CA10: variants seen among roughly 807,000 people sequenced by gnomAD.
The protein encoded by CA10 is carbonic anhydrase-related protein 10.
CA10 carries 14 observed loss-of-function variants against 44.2 expected under a neutral mutation model. That is an observed-to-expected ratio of 0.32 (90% CI 0.21 to 0.50). The LOEUF (loss-of-function observed/expected upper bound fraction) is 0.50, where lower values mean the gene tolerates loss of function less well. Ranked by LOEUF, CA10 falls within the 20% of genes least tolerant of loss-of-function variation. The probability of loss-of-function intolerance (pLI) is 0.99; values close to 1 mark genes in which losing one functional copy is unlikely to be tolerated. For synonymous variants in CA10, 159 were observed against 141.6 expected, an observed-to-expected ratio of 1.12 and a Z score of -0.87; for missense variants, 350 against 409.7, an observed-to-expected ratio of 0.85 and a Z score of 1.26.
chr17:51,828,864 A>G (rs1248960142), intron 3 of CA10, among the ~76,000 whole-genome samples: 1 of 152,228 alleles, frequency 6.6e-6, no homozygotes, highest in Admixed American at 6.5e-5. Flanking sequence ...ATAATATGTG[A>G]ATAATAAAAA....
intron 2 of CA10, among the ~76,000 whole-genome samples, chr17:52,051,750 C>T (rs957809319): frequency 2.0e-5 from 3 of 152,038 alleles, no homozygotes; most frequent in Non-Finnish European, 2.9e-5. Context: ...GAGAGAAATA[C>T]CATTCAACTC....
At chr17:52,091,817 C>T (rs935125613) in intron 1 of CA10, among the ~76,000 whole-genome samples, 10 of 152,276 alleles carry the variant, frequency 6.6e-5, no homozygotes, top group Non-Finnish European at 1.0e-4. Flanking sequence ...CTCCATGATA[C>T]AGGGTTTCCT....
At chr17:51,715,937 ACCTCGGCCT>A (rs1356199189) in intron 4 of CA10, among the ~76,000 whole-genome samples, 2 of 152,004 alleles carry the variant, frequency 1.3e-5, no homozygotes, top group African/African-American at 4.8e-5. Flanking sequence ...TGATCCGCCC[ACCTCGGCCT>A]CCCAAAGTAT....
intron 4 of CA10, among the ~76,000 whole-genome samples, chr17:51,724,199 A>G (rs7223543): frequency 0.39 from 59,297 of 152,098 alleles, 12,103 homozygotes; most frequent in Middle Eastern, 0.5. Context: ...GCAGAGTGGC[A>G]GACACACCCA....
At chr17:51,836,800 G>A (rs1908493639) in intron 3 of CA10, among the ~76,000 whole-genome samples, 1 of 152,168 alleles carries the variant, frequency 6.6e-6, no homozygotes. Context: ...AATTGATGGG[G>A]AGGGGTTTGA....
chr17:51,721,354 ATTTATT>A (rs1046923269), intron 4 of CA10, among the ~76,000 whole-genome samples: 1 of 152,042 alleles, frequency 6.6e-6, no homozygotes, highest in South Asian at 2.1e-4. Context: ...ACTTTATTTT[ATTTATT>A]TTTGAGACAG....
chr17:51,729,504 G>C (rs1295276781), intron 4 of CA10, among the ~76,000 whole-genome samples: 3 of 152,110 alleles, frequency 2.0e-5, no homozygotes, highest in African/African-American at 7.2e-5. Context: ...AGCTAACTGG[G>C]CATGCTTGAA....
At chr17:52,098,906 C>T (rs940954056) in intron 1 of CA10, among the ~76,000 whole-genome samples, 3 of 152,144 alleles carry the variant, frequency 2.0e-5, no homozygotes, top group Non-Finnish European at 4.4e-5. Context: ...AGCATTCGTA[C>T]CTGGTGGTCA....
At chr17:51,709,104 A>AGGGCAGAAACTCATTCATTC (rs367865945) in intron 4 of CA10, among the ~76,000 whole-genome samples, 2,109 of 152,320 alleles carry the variant, frequency 0.014, 53 homozygotes, top group African/African-American at 0.048. Flanking sequence ...ACAGATTCTG[A>AGGGCAGAAACTCATTCATTC]GGGCAGAAAC....
At chr17:51,832,778 C>G (rs1354390439) in intron 3 of CA10, among the ~76,000 whole-genome samples, 1 of 152,136 alleles carries the variant, frequency 6.6e-6, no homozygotes, top group East Asian at 1.9e-4. Context: ...AGATAAGGAT[C>G]ACATTACTGG....
intron 1 of CA10, among the ~76,000 whole-genome samples, chr17:52,105,138 G>A (rs1394678558): frequency 1.6e-5 from 2 of 123,382 alleles, no homozygotes; most frequent in Non-Finnish European, 3.6e-5. Context: ...CCGGGCTCAG[G>A]GAATCTGTAT....
At position 51,777,223 on chromosome 17, in the gene CA10, T is replaced by C. The variant is rs543952226; in HGVS notation, c.280-29405A>G. ...TTGGAAATAAGGCCATTGGTTTGATTCTGGACATTTGAGTTTAGAGTTCCT... is the reference window on the plus strand; with the variant it reads ...TTGGAAATAAGGCCATTGGTTTGATCCTGGACATTTGAGTTTAGAGTTCCT... On this transcript the variant is annotated intron_variant, in intron 3 of 8. Coordinates refer to ENST00000451037, the MANE Select transcript of CA10 (RefSeq NM_020178.5). Among the ~76,000 whole-genome samples the C allele has an allele frequency of 2.0e-5, 3 of 152,328 alleles. No individual in the cohort carries two copies. The South Asian group carries it at 6.2e-4, about 32-fold the overall frequency.
intron 3 of CA10, among the ~76,000 whole-genome samples, chr17:51,870,909 C>T (rs1979773195): frequency 1.3e-5 from 2 of 152,272 alleles, no homozygotes; most frequent in African/African-American, 4.8e-5. Context: ...AGATTCTTCG[C>T]TTTCCTCTAA....
chr17:52,089,030 C>T (rs11654715), intron 1 of CA10, among the ~76,000 whole-genome samples: 123 of 152,194 alleles, frequency 8.1e-4, no homozygotes, highest in Non-Finnish European at 1.1e-3. Context: ...TAATGCTCCA[C>T]AGTGCTACAA....
chr17:51,776,952 C>T lies in CA10; in HGVS notation c.280-29134G>A, dbSNP rs376781779. 7.6e-4 allele frequency among the ~76,000 whole-genome samples: 116 copies of T among 152,196 alleles called. 1 individual carries two copies. In the South Asian group the frequency reaches 0.023, roughly 30 times the overall value. Reference sequence around the variant, plus strand: ...GATTGGGCAGAGCAGACTCTCACAGCCAGAGGAAGCCAGAGGCAGTTGGTA... The same window carrying T: ...GATTGGGCAGAGCAGACTCTCACAGTCAGAGGAAGCCAGAGGCAGTTGGTA... On this transcript the variant is annotated intron_variant, in intron 3 of 8. Coordinates refer to ENST00000451037, the MANE Select transcript of CA10 (RefSeq NM_020178.5).
At chr17:51,653,543 C>A (rs748994164) in intron 5 of CA10, 98 bp downstream of exon 5, 6 of 749,654 alleles carry the variant, frequency 8.0e-6, no homozygotes, top group Non-Finnish European at 1.2e-5. Context: ...GCATGGATAG[C>A]ACCCCTTTTA....
chr17:51,962,309 C>G (rs568566831), intron 2 of CA10, among the ~76,000 whole-genome samples: 1 of 152,342 alleles, frequency 6.6e-6, no homozygotes, highest in Admixed American at 6.5e-5. Flanking sequence ...CCCAGTCACA[C>G]CTTTGGGGGC....
chr17:51,699,235 A>T (rs1915505835), intron 4 of CA10, among the ~76,000 whole-genome samples: 1 of 151,862 alleles, frequency 6.6e-6, no homozygotes, highest in Non-Finnish European at 1.5e-5. Context: ...AGGCAGGAGA[A>T]TCGCTTGAAC....
intron 2 of CA10, among the ~76,000 whole-genome samples, chr17:51,992,806 G>T (rs1985089519): frequency 6.6e-6 from 1 of 152,064 alleles, no homozygotes. Flanking sequence ...GGATAGATGA[G>T]CACTCAGTCT....
Sources: allele counts gnomAD v4.1 joint callset (sites outside exome capture counted in the v4.1 genomes callset), GRCh38; gene constraint gnomAD v4.1.1; transcripts MANE v1.5; gene names NCBI Gene and HGNC (gene_info 2026-07-23, HGNC 2026-07-21).